The following CACNA2D2 variants were observed in gnomAD, a reference collection of about 807,000 sequenced individuals.
The protein encoded by CACNA2D2 is calcium voltage-gated channel auxiliary subunit alpha2delta 2, also known as voltage-dependent calcium channel subunit alpha-2/delta-2.
In CACNA2D2, 48 loss-of-function variants were observed where a neutral mutation model predicts 166.4. That is an observed-to-expected ratio of 0.29 (90% CI 0.23 to 0.37). CACNA2D2 has a LOEUF of 0.37. Among genes scored for constraint, CACNA2D2 ranks in the 10% least tolerant of loss-of-function variants. The probability of loss-of-function intolerance (pLI) is 1.00; values close to 1 mark genes in which losing one functional copy is unlikely to be tolerated. For synonymous variants in CACNA2D2, 561 were observed against 573.7 expected (o/e 0.98, Z 0.32); for missense variants, 1,122 against 1,433.0 (o/e 0.78, Z 3.50).
intron 2 of CACNA2D2, among the ~76,000 whole-genome samples, chr3:50,448,593 C>T (rs182534140): frequency 7.9e-5 from 12 of 152,184 alleles, no homozygotes; most frequent in Non-Finnish European, 1.5e-4. Context: ...GTTTATGGCG[C>T]ATGTTGGGGG....
intron 21 of CACNA2D2, 146 bp from the exon 22 acceptor site, chr3:50,374,959 G>A (rs1704894028): frequency 1.4e-6 from 1 of 705,884 alleles, no homozygotes; most frequent in Admixed American, 2.3e-5. Flanking sequence ...CTTAGCTGCA[G>A]GAGGTTCATG....
intron 3 of CACNA2D2, among the ~76,000 whole-genome samples, chr3:50,399,554 A>T (rs1193755145): frequency 6.6e-6 from 1 of 152,072 alleles, no homozygotes; most frequent in Non-Finnish European, 1.5e-5. Context: ...ACAGGATATC[A>T]CCAGGTGTGG....
chr3:50,367,562 G>A lies in CACNA2D2; in HGVS notation c.2298-65C>T. 1 of 1,601,160 alleles carries A rather than the reference G, an allele frequency of 6.2e-7. No homozygotes were observed. ...CTTGTCGGGGACAGTGGTCTCCACA[G>A]ATGCAAGGAGGCCTCTGGGCAGAAC... On this transcript the variant is annotated intron_variant, in intron 26 of 37. Coordinates refer to ENST00000424201, the MANE Select transcript of CACNA2D2 (RefSeq NM_006030.4). This position sits in a 1 kb window ranked among gnomAD's most constrained non-coding sequence, Gnocchi z 6.5.
At chr3:50,381,213 A>G (rs1239076763) in intron 6 of CACNA2D2, 87 bp from the exon 7 acceptor site, 3 of 1,481,306 alleles carry the variant, frequency 2.0e-6, no homozygotes, top group Non-Finnish European at 2.8e-6. Flanking sequence ...CTGTGCCCCC[A>G]TTTAGAATCC....
intron 2 of CACNA2D2, among the ~76,000 whole-genome samples, chr3:50,465,787 G>A (rs1709804424): frequency 6.6e-6 from 1 of 152,202 alleles, no homozygotes; most frequent in South Asian, 2.1e-4. Context: ...GGGGTTGTAA[G>A]TGGGAGTGGT....
At chr3:50,410,496 G>A (rs911755639) in intron 3 of CACNA2D2, among the ~76,000 whole-genome samples, 1 of 150,080 alleles carries the variant, frequency 6.7e-6, no homozygotes, top group African/African-American at 2.5e-5. Context: ...GGGGGGTGTT[G>A]TCTTTGTGCC....
intron 1 of CACNA2D2, among the ~76,000 whole-genome samples, chr3:50,485,581 G>A (rs773536846): frequency 6.6e-6 from 1 of 152,218 alleles, no homozygotes; most frequent in East Asian, 1.9e-4. Flanking sequence ...GGCCTCAGCA[G>A]CTCCCACCAC....
In CACNA2D2 at chr3:50,365,857, G is replaced by A; in HGVS notation, c.2868C>T (p.Thr956=). The change falls in exon 33 of 38, where the codon ACC becomes ACT. Residue 956 remains threonine (T), a synonymous_variant. Coordinates refer to ENST00000424201, the MANE Select transcript of CACNA2D2 (RefSeq NM_006030.4). This position sits in a 1 kb window ranked among gnomAD's most constrained non-coding sequence, Gnocchi z 4.5. ...AGGCCAGGTTAAGGAAATCTGCAAC[G>A]GTGGGCTGCAGTGGAGAGAGGGGCG... ...GAAPRGVFVP[T]VADFLNLAWW... is the part of the protein sequence containing the mutation. The A allele has an allele frequency of 1.2e-6, 2 of 1,613,204 alleles. No homozygotes were observed. The highest frequency in any genetic ancestry group is 1.7e-6 in the Non-Finnish European group (2 of 1,179,992).
At chr3:50,430,689 T>C (rs759723739) in intron 3 of CACNA2D2, among the ~76,000 whole-genome samples, 19 of 152,268 alleles carry the variant, frequency 1.2e-4, no homozygotes, top group Middle Eastern at 3.4e-3. Context: ...GGCTGTAGAC[T>C]AGGACCCAGC....
intron 3 of CACNA2D2, among the ~76,000 whole-genome samples, chr3:50,413,832 T>C (rs919233636): frequency 7.1e-6 from 1 of 141,454 alleles, no homozygotes; most frequent in African/African-American, 2.8e-5. Flanking sequence ...GGGTGACAGA[T>C]TGAGACTCCG....
intron 22 of CACNA2D2, among the ~76,000 whole-genome samples, chr3:50,371,305 C>T (rs1007849694): frequency 2.6e-5 from 4 of 152,054 alleles, no homozygotes; most frequent in Non-Finnish European, 5.9e-5. Flanking sequence ...GGCCTGTGCC[C>T]TGGGCTTATG....
chr3:50,464,011 A>G (rs1709707247), intron 2 of CACNA2D2, among the ~76,000 whole-genome samples: 1 of 152,214 alleles, frequency 6.6e-6, no homozygotes, highest in Admixed American at 6.5e-5. Flanking sequence ...GATCATGCAG[A>G]GGGAGCATGG....
At chr3:50,364,999 G>T (rs778098797) in intron 36 of CACNA2D2, 29 bp from the exon 37 acceptor site, 20 of 1,609,318 alleles carry the variant, frequency 1.2e-5, no homozygotes, top group Non-Finnish European at 1.6e-5. Flanking sequence ...TCAAGGAGGC[G>T]GACGGCGGCG....
intron 1 of CACNA2D2, among the ~76,000 whole-genome samples, chr3:50,483,343 T>TAACACC (rs1698136705): frequency 2.0e-5 from 3 of 152,170 alleles, no homozygotes; most frequent in Non-Finnish European, 4.4e-5. Context: ...GGGGCAGGTG[T>TAACACC]TGCCAAAGCA....
chr3:50,420,324 T>G (rs1340612608), intron 3 of CACNA2D2, among the ~76,000 whole-genome samples: 2 of 152,202 alleles, frequency 1.3e-5, no homozygotes, highest in Admixed American at 6.5e-5. Flanking sequence ...GGCTCTGAGC[T>G]GCACGGGGCC....
intron 3 of CACNA2D2, among the ~76,000 whole-genome samples, chr3:50,396,584 C>T (rs900094414): frequency 1.3e-5 from 2 of 152,160 alleles, no homozygotes; most frequent in African/African-American, 4.8e-5. Flanking sequence ...CATAAGCCTG[C>T]AGTGACCTTG....
chr3:50,427,111 C>T lies in CACNA2D2; in HGVS notation c.405+7202G>A, dbSNP rs1410742615. ...CCCCAGGGACACTTGGGTTTACCGT[C>T]CCTTCCGCAGACATCCAGGCCACCT... is the stretch of plus-strand genomic sequence containing the variant. On this transcript the variant is annotated intron_variant, in intron 3 of 37. Transcript: ENST00000424201. This position sits in a 1 kb window ranked among gnomAD's most constrained non-coding sequence, Gnocchi z 4.7. 6.6e-6 allele frequency among the ~76,000 whole-genome samples: 1 copy of T among 152,220 alleles called. No homozygotes were observed. Among genetic ancestry groups the T allele is most frequent in the Non-Finnish European group, 1.5e-5 (1 of 68,034 alleles).
chr3:50,367,532 G>C lies in CACNA2D2; in HGVS notation c.2298-35C>G, dbSNP rs762947625. Reference sequence around the variant, plus strand: ...CCAAGAGGCAGACTGGTAGGTAAGGGGTGGCTTGTCGGGGACAGTGGTCTC... The same window carrying C: ...CCAAGAGGCAGACTGGTAGGTAAGGCGTGGCTTGTCGGGGACAGTGGTCTC... On this transcript the variant is annotated intron_variant, in intron 26 of 37. Transcript: ENST00000424201. This position sits in a 1 kb window ranked among gnomAD's most constrained non-coding sequence, Gnocchi z 6.5. 1.2e-5 allele frequency: 19 copies of C among 1,610,116 alleles called. No individual in the cohort carries two copies. In the South Asian group the frequency reaches 1.8e-4, roughly 15 times the overall value.
chr3:50,466,638 T>C (rs945963245), intron 2 of CACNA2D2, among the ~76,000 whole-genome samples: 23 of 152,220 alleles, frequency 1.5e-4, no homozygotes, highest in Non-Finnish European at 8.8e-5. Context: ...TGAACCATGA[T>C]CAGCCCATGT....
Sources: gnomAD v4.1 joint callset for allele counts (sites outside exome capture counted in the v4.1 genomes callset) on GRCh38, gnomAD v4.1.1 for gene constraint, Gnocchi (gnomAD v3.1) non-coding constraint, MANE v1.5 for transcripts, NCBI Gene and HGNC (gene_info 2026-07-23, HGNC 2026-07-21) for gene names.